The following RPH3A variants were observed in gnomAD, a reference collection of about 807,000 sequenced individuals.
The protein encoded by RPH3A is rabphilin 3A.
In RPH3A, 48 loss-of-function variants were observed where a neutral mutation model predicts 102.2. The ratio of observed to expected loss-of-function variants is 0.47; its 90% CI spans 0.37 to 0.60. RPH3A has a LOEUF of 0.60. Among genes scored for constraint, RPH3A ranks in the 20% least tolerant of loss-of-function variants. The pLI is 0.00. For missense variants in RPH3A, 781 were observed against 910.1 expected, an observed-to-expected ratio of 0.86 and a Z score of 1.83; for synonymous variants, 310 against 324.3, an observed-to-expected ratio of 0.96 and a Z score of 0.47.
intron 21 of RPH3A, 136 bp downstream of exon 21, chr12:112,896,009 C>A: frequency 1.6e-6 from 1 of 630,476 alleles, no homozygotes. Flanking sequence ...AAATTGAGAC[C>A]CATGATCTTG....
At chr12:112,579,973 C>T (rs1470613410) in intron 1 of RPH3A, among the ~76,000 whole-genome samples, 2 of 152,186 alleles carry the variant, frequency 1.3e-5, no homozygotes, top group African/African-American at 2.4e-5. Flanking sequence ...TTCATTCACT[C>T]TCTCACTGAC....
rs148853947 is a variant in RPH3A, at chr12:112,627,308, T to A, written c.-140+51989T>A. Among the ~76,000 whole-genome samples, 11 of 150,258 alleles carry A rather than the reference T, an allele frequency of 7.3e-5. No homozygotes were observed. The East Asian group carries it at 1.9e-3, about 26-fold the overall frequency. ...AATTGTAATACAACATATACTATAG[T>A]TTTATGTAATATATAGTATTTATTA... On this transcript the variant is annotated intron_variant, in intron 1 of 21. Transcript: ENST00000543106.
At chr12:112,774,606 AG>A (rs1565876781) in intron 1 of RPH3A, among the ~76,000 whole-genome samples, 1 of 152,254 alleles carries the variant, frequency 6.6e-6, no homozygotes, top group African/African-American at 2.4e-5. Context: ...AGCCTTAAAA[AG>A]GAACGAGATC....
At position 112,897,098 on chromosome 12, in the gene RPH3A, T is replaced by A. The variant is rs1297573386; in HGVS notation, c.*318T>A. On this transcript the variant is annotated 3_prime_UTR_variant, in exon 22 of 22. Transcript: ENST00000389385. Reference sequence around the variant, plus strand: ...TTGGGTAAATTACAAAGGTTCTTCATCATTTAGGACTGTTTTTAGACCCTC... The same window carrying A: ...TTGGGTAAATTACAAAGGTTCTTCAACATTTAGGACTGTTTTTAGACCCTC... The A allele has an allele frequency of 3.3e-6, 1 of 300,134 alleles. No individual in the cohort carries two copies. The highest frequency in any genetic ancestry group is 2.1e-5 in the African/African-American group (1 of 47,020). The allele number at this position is 300,134 out of a possible 1,614,324, so 18.6% of individuals were successfully genotyped here.
At chr12:112,786,696 T>G (rs2041054351) in intron 1 of RPH3A, among the ~76,000 whole-genome samples, 1 of 152,194 alleles carries the variant, frequency 6.6e-6, no homozygotes, top group Non-Finnish European at 1.5e-5. Flanking sequence ...ATTGAAGCAC[T>G]GGGTTCTTTG....
At chr12:112,772,250 G>C (rs2040931780) in intron 1 of RPH3A, among the ~76,000 whole-genome samples, 1 of 150,828 alleles carries the variant, frequency 6.6e-6, no homozygotes, top group South Asian at 2.2e-4. Context: ...GCTGGAATCA[G>C]AGCTGGCACA....
At chr12:112,606,096 TG>T (rs1290297983) in intron 1 of RPH3A, among the ~76,000 whole-genome samples, 1 of 152,174 alleles carries the variant, frequency 6.6e-6, no homozygotes, top group African/African-American at 2.4e-5. Flanking sequence ...AGTACCTGCT[TG>T]GCCCTGGCTC....
intron 2 of RPH3A, among the ~76,000 whole-genome samples, chr12:112,827,164 A>C (rs893327756): frequency 3.3e-5 from 5 of 152,290 alleles, no homozygotes; most frequent in Non-Finnish European, 5.9e-5. Context: ...CATCACCATC[A>C]TCAACTTTAG....
chr12:112,761,206 T>A (rs1415948030), intron 1 of RPH3A, among the ~76,000 whole-genome samples: 4 of 152,206 alleles, frequency 2.6e-5, no homozygotes, highest in Non-Finnish European at 4.4e-5. Context: ...ACAAAGGGAT[T>A]CCAGTTTGGG....
chr12:112,877,942 T>C (rs2042836867), intron 13 of RPH3A, among the ~76,000 whole-genome samples: 1 of 152,184 alleles, frequency 6.6e-6, no homozygotes, highest in South Asian at 2.1e-4. Context: ...CATAGTTGCT[T>C]TTATAACTCT....
intron 1 of RPH3A, among the ~76,000 whole-genome samples, chr12:112,655,503 A>G (rs1317253368): frequency 6.6e-6 from 1 of 150,884 alleles, no homozygotes; most frequent in African/African-American, 2.4e-5. Context: ...CCGGTCTTCA[A>G]TCTAGGTCAA....
chr12:112,774,063 C>CAAAAAAAAA (rs11375355), intron 1 of RPH3A, among the ~76,000 whole-genome samples: 22 of 108,404 alleles, frequency 2.0e-4, no homozygotes, highest in African/African-American at 5.1e-4. Context: ...CCAGCCTGGG[C>CAAAAAAAAA]AAAAAAAAAA....
chr12:112,638,857 C>T (rs1030389875), intron 1 of RPH3A, among the ~76,000 whole-genome samples: 1 of 152,164 alleles, frequency 6.6e-6, no homozygotes, highest in Admixed American at 6.5e-5. Context: ...TGCAATCTAT[C>T]ATCAGTGGAA....
intron 1 of RPH3A, among the ~76,000 whole-genome samples, chr12:112,699,219 C>T (rs2040374504): frequency 6.6e-6 from 1 of 152,170 alleles, no homozygotes; most frequent in Non-Finnish European, 1.5e-5. Flanking sequence ...CTGTGCCCAG[C>T]CTGAATAGTT....
intron 1 of RPH3A, among the ~76,000 whole-genome samples, chr12:112,760,225 G>A (rs577032221): frequency 6.6e-6 from 1 of 152,274 alleles, no homozygotes; most frequent in East Asian, 1.9e-4. Flanking sequence ...TTGCGTTCAT[G>A]GAGACCCAGA....
chr12:112,663,082 G>GTGTGTA (rs1381871255), intron 1 of RPH3A, among the ~76,000 whole-genome samples: 3 of 151,020 alleles, frequency 2.0e-5, no homozygotes, highest in Non-Finnish European at 4.4e-5. Flanking sequence ...GTGTGTGTGT[G>GTGTGTA]TGTGTGAAAG....
Position 112,890,857 on chromosome 12 carries a change from G to A in RPH3A, c.1629G>A (p.Glu543=). Residue 543 remains glutamate (E), a synonymous_variant, in exon 19 of 22, where the codon GAG becomes GAA. Transcript: ENST00000389385. ...GMALYEEEQV[E]RVGDIEERGK... ...CTTTTCCCCCAATGCAGCAGGTGGA[G>A]CGTGTTGGTGACATCGAGGAGCGTG... 1 of 1,613,632 alleles carries A rather than the reference G, an allele frequency of 6.2e-7. No individual in the cohort carries two copies. Among genetic ancestry groups the A allele is most frequent in the Non-Finnish European group, 8.5e-7 (1 of 1,179,786 alleles).
At chr12:112,789,436 G>A (rs1285833190), upstream of RPH3A, among the ~76,000 whole-genome samples, 1 of 152,206 alleles carries the variant, frequency 6.6e-6, no homozygotes, top group African/African-American at 2.4e-5. Context: ...AATGAACTCT[G>A]AGAGACATCC....
chr12:112,867,976 A>G (rs2136223890), intron 7 of RPH3A, among the ~76,000 whole-genome samples: 1 of 152,230 alleles, frequency 6.6e-6, no homozygotes, highest in East Asian at 1.9e-4. Flanking sequence ...TGTTTCACAC[A>G]CCGTCCTAGG....
Sources: gnomAD v4.1 joint callset for allele counts (sites outside exome capture counted in the v4.1 genomes callset) on GRCh38, gnomAD v4.1.1 for gene constraint, MANE v1.5 for transcripts, NCBI Gene and HGNC (gene_info 2026-07-23, HGNC 2026-07-21) for gene names.